CC2D2B: variants seen among roughly 807,000 people sequenced by gnomAD.
CC2D2B encodes the protein protein CC2D2B.
A neutral mutation model predicts 161.2 loss-of-function variants in CC2D2B; 128 were observed. That is an observed-to-expected ratio of 0.79 (90% CI 0.69 to 0.92). The LOEUF (loss-of-function observed/expected upper bound fraction) is 0.92, where lower values mean the gene tolerates loss of function less well. CC2D2B is among the 40% of genes least tolerant of loss of function. The probability of loss-of-function intolerance (pLI) is 0.00; values close to 1 mark genes in which losing one functional copy is unlikely to be tolerated. For synonymous variants in CC2D2B, 391 were observed against 449.8 expected, an observed-to-expected ratio of 0.87 and a Z score of 1.65; for missense variants, 1,173 against 1,375.1, an observed-to-expected ratio of 0.85 and a Z score of 2.32.
chr10:95,949,991 C>T lies in CC2D2B; in HGVS notation c.897C>T (p.Phe299=), dbSNP rs1172060902. 2.5e-6 allele frequency: 1 copy of T among 398,700 alleles called. No individual in the cohort carries two copies. The highest frequency in any genetic ancestry group is 4.4e-6 in the Non-Finnish European group (1 of 225,964). 24.7% of individuals were successfully genotyped at this position (398,700 alleles called of 1,614,324 possible). ...ACCTCAACATTGTGGGTTTGCAATT[C>T]AGCCATCATCATCTCTTCAATCAAG... is the stretch of plus-strand genomic sequence containing the variant. ...QLDLNIVGLQ[F]SHHHLFNQEQ... The change falls in exon 10 of 35, where the codon TTC becomes TTT. Residue 299 remains phenylalanine (F), a synonymous_variant. Transcript: ENST00000646931.
intron 1 of CC2D2B, among the ~76,000 whole-genome samples, chr10:95,910,607 G>A (rs1304116509): frequency 6.6e-6 from 1 of 152,184 alleles, no homozygotes; most frequent in Non-Finnish European, 1.5e-5. Flanking sequence ...CTGGCCACAT[G>A]TCCATTATTG....
At chr10:96,018,107 T>C (rs1473025829) in intron 30 of CC2D2B, among the ~76,000 whole-genome samples, 1 of 152,154 alleles carries the variant, frequency 6.6e-6, no homozygotes, top group East Asian at 1.9e-4. Context: ...TAATAACCCT[T>C]CCTCCCAGAA....
At chr10:95,999,781 A>G (rs2078391026) in intron 24 of CC2D2B, 2 of 268,144 alleles carry the variant, frequency 7.5e-6, no homozygotes, top group East Asian at 8.7e-5. Context: ...CAATTATGCC[A>G]TGACTTTATA....
At chr10:95,911,828 C>A (rs1326083554) in intron 2 of CC2D2B, among the ~76,000 whole-genome samples, 1 of 152,004 alleles carries the variant, frequency 6.6e-6, no homozygotes, top group African/African-American at 2.4e-5. Context: ...ATAAGGGAGA[C>A]CCTCTATCAG....
intron 20 of CC2D2B, 64 bp downstream of exon 20, chr10:95,988,406 A>G (rs2077813851): frequency 4.4e-6 from 3 of 678,198 alleles, no homozygotes; most frequent in Non-Finnish European, 6.2e-6. Context: ...TGCTAGATCC[A>G]TGGTATTATA....
rs997832964 is a variant in CC2D2B at position 95,983,869 on chromosome 10, T to C, written c.2286+60T>C. The stretch of plus-strand genomic sequence containing the variant: ...TGATAAAGTTAACGTTTTGCTGCTT[T>C]AACCCTATCTTAATTTATTTCTTTT... On this transcript the variant is annotated intron_variant, in intron 19 of 34. Coordinates refer to ENST00000646931, the MANE Select transcript of CC2D2B (RefSeq NM_001349008.3). 15 of 708,846 alleles carry C rather than the reference T, an allele frequency of 2.1e-5. No homozygotes were observed. The East Asian group carries it at 4.8e-4, about 23-fold the overall frequency. 43.9% of individuals were successfully genotyped at this position (708,846 alleles called of 1,614,324 possible). A position where few individuals can be genotyped will look rare whatever the true frequency, so the allele number is the denominator to read the frequency against.
intron 11 of CC2D2B, among the ~76,000 whole-genome samples, chr10:95,958,361 G>A (rs1200136396): frequency 6.6e-6 from 1 of 152,066 alleles, no homozygotes; most frequent in Non-Finnish European, 1.5e-5. Flanking sequence ...GTGTCATGGT[G>A]TGCACCTGTA....
At position 95,927,686 on chromosome 10, in the gene CC2D2B, TTTTCTTTCTTTC is replaced by T. The variant is rs921513252; in HGVS notation, c.336+366_336+377del. ...TCAGCTCAAAAGCCTGTGTTTTCTT[TTTTCTTTCTTTC>T]TTTCTTTCTTTTTTTTTTTTTGTTC... On this transcript the variant is annotated intron_variant, in intron 6 of 34. Transcript: ENST00000646931. 1.8e-4 allele frequency among the ~76,000 whole-genome samples: 27 copies of T among 151,846 alleles called. No individual in the cohort carries two copies. In the South Asian group the frequency reaches 5.0e-3, roughly 28 times the overall value.
At chr10:96,000,331 T>A (rs1221406235) in intron 24 of CC2D2B, 39 of 244,506 alleles carry the variant, frequency 1.6e-4, no homozygotes, top group African/African-American at 7.0e-4. Flanking sequence ...TTTATTTATT[T>A]ATAATAAATA....
Position 95,974,103 on chromosome 10 carries a change from A to C in CC2D2B, c.1890A>C (p.Glu630Asp). 1 of 1,230,732 alleles carries C rather than the reference A, an allele frequency of 8.1e-7. No individual in the cohort carries two copies. The highest frequency in any genetic ancestry group is 1.0e-6 in the Non-Finnish European group (1 of 986,684). The allele number at this position is 1,230,732 out of a possible 1,614,324, so 76.2% of individuals were successfully genotyped here. ...ATTCTCTATCATGGAGCTTAGATGA[A>C]AATGGTCTTCCTCTGATACCTATGC... is the stretch of plus-strand genomic sequence containing the variant. ...LSYSLSWSLD[E>D]NGLPLIPMPQ... Residue 630 changes from glutamate (E) to aspartate (D), a missense_variant, in exon 17 of 35, where the codon GAA (glutamate) becomes GAC (aspartate). Glu to Asp is a conservative substitution (Grantham distance 45). Transcript: ENST00000646931.
At chr10:96,013,722 A>G in intron 28 of CC2D2B, 66 bp from the exon 29 acceptor site, 1 of 856,368 alleles carries the variant, frequency 1.2e-6, no homozygotes, top group Non-Finnish European at 1.9e-6. Context: ...GAGAGAGTGC[A>G]TGTAAAGCAT....
Position 96,003,043 on chromosome 10 carries a change from T to G in CC2D2B, c.2850-1109T>G, listed in dbSNP as rs971812685. On this transcript the variant is annotated intron_variant, in intron 24 of 34. Coordinates refer to ENST00000646931, the MANE Select transcript of CC2D2B (RefSeq NM_001349008.3). The stretch of plus-strand genomic sequence containing the variant: ...ATAAATATATATATATATATATATA[T>G]AGAAATAAATAAACTAAATAAAAAT... Among the ~76,000 whole-genome samples the G allele has an allele frequency of 3.4e-4, 48 of 142,762 alleles. 1 individual carries two copies. The highest frequency in any genetic ancestry group is 1.0e-3 in the African/African-American group (39 of 38,592). The allele number at this position is 142,762 out of a possible 152,430, so 93.7% of individuals were successfully genotyped here.
chr10:95,965,754 A>C, intron 12 of CC2D2B, 142 bp from the exon 13 acceptor site: 1 of 376,478 alleles, frequency 2.7e-6, no homozygotes, highest in Non-Finnish European at 4.7e-6. Flanking sequence ...TAATTTCCTT[A>C]GAATGTAAAA....
intron 34 of CC2D2B, among the ~76,000 whole-genome samples, chr10:96,028,887 A>G (rs1270719425): frequency 6.6e-6 from 1 of 152,146 alleles, no homozygotes; most frequent in Non-Finnish European, 1.5e-5. Flanking sequence ...AAAGACAAAC[A>G]TCACATGTTC....
chr10:95,938,162 A>C lies in CC2D2B; in HGVS notation c.508A>C (p.Asn170His). ...AGAACAAATAAAAAAACAGAAGGCAAATATTTTTGTACCAAGTAGTTCTCC... is the reference window on the plus strand; with the variant it reads ...AGAACAAATAAAAAAACAGAAGGCACATATTTTTGTACCAAGTAGTTCTCC... ...DQEQIKKQKA[N>H]IFVPSSSPVV... is the part of the protein sequence containing the mutation. Residue 170 changes from asparagine to histidine, a missense_variant, in exon 7 of 35, where the codon AAT (asparagine) becomes CAT (histidine). Physicochemically the swap from Asn to His is moderately conservative, Grantham distance 68. Transcript: ENST00000646931. 2.6e-6 allele frequency: 4 copies of C among 1,549,896 alleles called. No homozygotes were observed. The highest frequency in any genetic ancestry group is 3.5e-6 in the Non-Finnish European group (4 of 1,145,914).
At chr10:96,024,676 G>A (rs1280282407) in intron 32 of CC2D2B, among the ~76,000 whole-genome samples, 177 bp from the exon 33 acceptor site, 1 of 152,066 alleles carries the variant, frequency 6.6e-6, no homozygotes, top group Non-Finnish European at 1.5e-5. Context: ...CCCTATTCTC[G>A]TGAAGCAGTG....
In CC2D2B at chr10:95,992,518, A is replaced by C; in HGVS notation, c.2472-9A>C. ...TAAATGAGGCTAATGATCATTTTTT[A>C]CCCTTTAGCCAATTGACAGATGCAG... On this transcript the variant is annotated splice_polypyrimidine_tract_variant and intron_variant, in intron 21 of 34. Transcript: ENST00000646931. The C allele has an allele frequency of 8.1e-7, 1 of 1,234,038 alleles. No individual in the cohort carries two copies. The highest frequency in any genetic ancestry group is 2.1e-4 in the Middle Eastern group (1 of 4,840). The allele number at this position is 1,234,038 out of a possible 1,614,324, so 76.4% of individuals were successfully genotyped here.
At chr10:95,958,580 G>T (rs2076659619) in intron 11 of CC2D2B, among the ~76,000 whole-genome samples, 1 of 151,984 alleles carries the variant, frequency 6.6e-6, no homozygotes, top group Non-Finnish European at 1.5e-5. Flanking sequence ...TTGAAAAAGA[G>T]AATGAAGCTG....
chr10:95,954,040 A>C (rs1394875465), intron 10 of CC2D2B, among the ~76,000 whole-genome samples: 2 of 152,226 alleles, frequency 1.3e-5, no homozygotes, highest in Non-Finnish European at 2.9e-5. Context: ...AGTTTACCTC[A>C]AAAACACATG....
Sources: allele counts gnomAD v4.1 joint callset (sites outside exome capture counted in the v4.1 genomes callset), GRCh38; gene constraint gnomAD v4.1.1; transcripts MANE v1.5; gene names NCBI Gene and HGNC (gene_info 2026-07-23, HGNC 2026-07-21).